Variants in MGAM observed in about 807,000 individuals in gnomAD.
MGAM encodes maltase-glucoamylase.
MGAM carries 253 observed loss-of-function variants against 358.8 expected under a neutral mutation model. The ratio of observed to expected loss-of-function variants is 0.71; its 90% CI spans 0.64 to 0.78. The LOEUF (loss-of-function observed/expected upper bound fraction) is 0.78. Among genes scored for constraint, MGAM ranks in the 30% least tolerant of loss-of-function variants. MGAM has a pLI of 0.00. For missense variants in MGAM, 3,080 were observed against 3,432.6 expected (o/e 0.90, Z 2.57); for synonymous variants, 1,105 against 1,227.1 (o/e 0.90, Z 2.08).
chr7:141,991,091 A>G (rs1803925091), upstream of MGAM, among the ~76,000 whole-genome samples: 1 of 152,204 alleles, frequency 6.6e-6, no homozygotes, highest in Admixed American at 6.5e-5. Context: ...GACCTGGGGC[A>G]AGTCGCCTTT....
At chr7:142,016,449 A>G (rs1345809593) in intron 3 of MGAM, among the ~76,000 whole-genome samples, 5 of 152,074 alleles carry the variant, frequency 3.3e-5, no homozygotes, top group African/African-American at 1.2e-4. Context: ...CTTTTCTTGT[A>G]TATATTTTGA....
intron 10 of MGAM, among the ~76,000 whole-genome samples, chr7:142,029,641 A>G (rs1554462547): frequency 6.6e-6 from 1 of 152,210 alleles, no homozygotes; most frequent in Non-Finnish European, 1.5e-5. Context: ...AATCTGTCAC[A>G]TTTAAGTGAA....
chr7:142,102,622 G>A lies in MGAM; in HGVS notation c.7964-8G>A, dbSNP rs369198285. On this transcript the variant is annotated splice_polypyrimidine_tract_variant and splice_region_variant and intron_variant, in intron 68 of 70. Coordinates refer to ENST00000475668, the MANE Select transcript of MGAM (RefSeq NM_001365693.1). Reference sequence around the variant, plus strand: ...CCAGGCCATGTTTATCTTGTTTTTTGTTTGCAGATACCTATGGGAAAGGAC... The same window carrying A: ...CCAGGCCATGTTTATCTTGTTTTTTATTTGCAGATACCTATGGGAAAGGAC... 1 of 1,612,492 alleles carries A rather than the reference G, an allele frequency of 6.2e-7. No homozygotes were observed. Among genetic ancestry groups the A allele is most frequent in the Non-Finnish European group, 8.5e-7 (1 of 1,179,144 alleles).
At chr7:142,012,909 A>G (rs782143338) in intron 3 of MGAM, among the ~76,000 whole-genome samples, 1 of 152,074 alleles carries the variant, frequency 6.6e-6, no homozygotes, top group Non-Finnish European at 1.5e-5. Flanking sequence ...AACTTCTTAC[A>G]TGGTGGCTCA....
intron 2 of MGAM, among the ~76,000 whole-genome samples, chr7:141,986,851 T>C (rs782326781): frequency 4.6e-5 from 7 of 152,190 alleles, no homozygotes; most frequent in Non-Finnish European, 8.8e-5. Flanking sequence ...CTAGGGTATG[T>C]GTACCCTCAT....
chr7:142,002,161 A>C (rs549177897), intron 1 of MGAM, among the ~76,000 whole-genome samples: 1 of 152,276 alleles, frequency 6.6e-6, no homozygotes, highest in South Asian at 2.1e-4. Flanking sequence ...CTTTTGTGAA[A>C]GGGAGAAATA....
chr7:142,039,585 A>G (rs1808323507), intron 19 of MGAM, among the ~76,000 whole-genome samples: 2 of 152,056 alleles, frequency 1.3e-5, no homozygotes, highest in Admixed American at 1.3e-4. Context: ...CAAACATCCA[A>G]ACTATATCAA....
intron 1 of MGAM, among the ~76,000 whole-genome samples, chr7:141,996,709 T>C (rs1318670800): frequency 6.6e-6 from 1 of 152,176 alleles, no homozygotes; most frequent in East Asian, 1.9e-4. Flanking sequence ...GAGAAATATA[T>C]CACTATGCTT....
intron 10 of MGAM, 142 bp downstream of exon 10, chr7:142,027,877 A>G: frequency 1.1e-6 from 1 of 891,804 alleles, no homozygotes; most frequent in Non-Finnish European, 1.5e-6. Flanking sequence ...AGAATACTAG[A>G]CATTTTTTTT....
At chr7:141,995,054 C>A (rs921620899), upstream of MGAM, among the ~76,000 whole-genome samples, 26 of 152,170 alleles carry the variant, frequency 1.7e-4, no homozygotes, top group Admixed American at 1.6e-3. Flanking sequence ...TAAGCCATGG[C>A]AGGACATTGT....
At chr7:142,098,319 C>A (rs1816132911) in intron 66 of MGAM, among the ~76,000 whole-genome samples, 1 of 152,116 alleles carries the variant, frequency 6.6e-6, no homozygotes, top group Admixed American at 6.5e-5. Context: ...GGGTGGTGGG[C>A]TCTTGCTGGG....
Position 142,094,816 on chromosome 7 carries a change from G to A in MGAM, c.7411G>A (p.Gly2471Arg), listed in dbSNP as rs537654353. The A allele has an allele frequency of 3.1e-6, 5 of 1,613,762 alleles. No homozygotes were observed. Among genetic ancestry groups the A allele is most frequent in the Non-Finnish European group, 4.2e-6 (5 of 1,179,876 alleles). The change falls in exon 63 of 71, where the codon GGG (glycine) becomes AGG (arginine). Residue 2471 changes from glycine (G) to arginine (R), a missense_variant. Gly to Arg is a moderately radical substitution (Grantham distance 125). This residue lies in a region of MGAM where 932 missense variants were observed against 1,198.2 expected (regional missense o/e 0.78). Coordinates refer to ENST00000475668, the MANE Select transcript of MGAM (RefSeq NM_001365693.1). Reference sequence around the variant, plus strand: ...GATGTGTGTTCGCTGGATGCAGCTGGGGGCCTTTTACCCCTTCTCAAGAAA... The same window carrying A: ...GATGTGTGTTCGCTGGATGCAGCTGAGGGCCTTTTACCCCTTCTCAAGAAA... ...YEMCVRWMQL[G>R]AFYPFSRNHN...
chr7:141,997,803 C>T (rs1804382439), intron 1 of MGAM, among the ~76,000 whole-genome samples: 1 of 152,194 alleles, frequency 6.6e-6, no homozygotes, highest in African/African-American at 2.4e-5. Flanking sequence ...CATTCATTAG[C>T]TACCTTATCC....
intron 8 of MGAM, among the ~76,000 whole-genome samples, chr7:142,025,446 C>T (rs1181120728): frequency 1.3e-5 from 2 of 152,148 alleles, no homozygotes; most frequent in African/African-American, 4.8e-5. Context: ...GAGATAGTTT[C>T]CACCAATGTG....
At chr7:142,050,326 A>G (rs2129030318) in intron 23 of MGAM, 42 bp downstream of exon 23, 5 of 1,584,302 alleles carry the variant, frequency 3.2e-6, no homozygotes, top group African/African-American at 1.3e-5. Context: ...TGGGCTTTGG[A>G]CTGACCATTA....
chr7:142,076,623 T>C (rs1456011084), intron 46 of MGAM, 36 bp from the exon 47 acceptor site: 2 of 1,459,600 alleles, frequency 1.4e-6, no homozygotes, highest in Admixed American at 1.9e-5. Context: ...ATTACAGGCA[T>C]ACCTTTATGC....
intron 1 of MGAM, among the ~76,000 whole-genome samples, chr7:141,998,369 A>G (rs553813338): frequency 1.4e-4 from 22 of 152,140 alleles, no homozygotes; most frequent in Non-Finnish European, 2.6e-4. Context: ...TAAGCCCCAC[A>G]TGCATTAGGT....
At chr7:141,997,478 T>C (rs1297150495) in intron 1 of MGAM, among the ~76,000 whole-genome samples, 1 of 152,246 alleles carries the variant, frequency 6.6e-6, no homozygotes, top group Non-Finnish European at 1.5e-5. Context: ...ACAAATACAT[T>C]TTAATGAGCT....
At chr7:142,013,182 C>G (rs566813562) in intron 3 of MGAM, among the ~76,000 whole-genome samples, 1 of 151,980 alleles carries the variant, frequency 6.6e-6, no homozygotes, top group East Asian at 1.9e-4. Flanking sequence ...CTGTGGTGAC[C>G]TGGACAATAC....
Sources: allele counts gnomAD v4.1 joint callset (sites outside exome capture counted in the v4.1 genomes callset), GRCh38; gene constraint gnomAD v4.1.1; regional missense constraint gnomAD v4.1.1; transcripts MANE v1.5; gene names NCBI Gene and HGNC (gene_info 2026-07-23, HGNC 2026-07-21).